CDH20: variants seen among roughly 807,000 people sequenced by gnomAD.
The protein encoded by CDH20 is cadherin-20.
In CDH20, 29 loss-of-function variants were observed where a neutral mutation model predicts 74.2. That is an observed-to-expected ratio of 0.39 (90% CI 0.29 to 0.53). CDH20 has a LOEUF of 0.53. CDH20 is among the 20% of genes least tolerant of loss of function. CDH20 has a pLI of 0.69. For missense variants in CDH20, 988 were observed against 1,048.3 expected (o/e 0.94, Z 0.79); for synonymous variants, 469 against 405.4 (o/e 1.16, Z -1.88).
At chr18:61,483,031 C>T (rs544642034) in intron 1 of CDH20, among the ~76,000 whole-genome samples, 111 of 152,274 alleles carry the variant, frequency 7.3e-4, no homozygotes, top group Non-Finnish European at 1.1e-3. Flanking sequence ...ATGGTATCTG[C>T]GTTTTCTTTA....
chr18:61,469,869 A>G (rs1046826498), intron 1 of CDH20, among the ~76,000 whole-genome samples: 2 of 152,244 alleles, frequency 1.3e-5, no homozygotes, highest in Non-Finnish European at 2.9e-5. Context: ...GGATGTAGGT[A>G]CATGAACTAT....
chr18:61,525,964 A>ATTTTTTT (rs1006282537), intron 6 of CDH20, among the ~76,000 whole-genome samples: 5 of 84,380 alleles, frequency 5.9e-5, no homozygotes, highest in African/African-American at 1.1e-4. Flanking sequence ...CACCCAGCTA[A>ATTTTTTT]TTTTTTTTTT....
chr18:61,386,977 C>A (rs540894723), intron 1 of CDH20, among the ~76,000 whole-genome samples: 1 of 152,124 alleles, frequency 6.6e-6, no homozygotes, highest in South Asian at 2.1e-4. Context: ...ACAAAGTTTT[C>A]TACAAGGAAC....
chr18:61,529,954 C>A (rs1912581810), intron 7 of CDH20, among the ~76,000 whole-genome samples: 1 of 152,094 alleles, frequency 6.6e-6, no homozygotes, highest in African/African-American at 2.4e-5. Flanking sequence ...AGGATGAATG[C>A]AAGAGTGAAC....
intron 1 of CDH20, among the ~76,000 whole-genome samples, chr18:61,487,242 C>G (rs2144289898): frequency 6.6e-6 from 1 of 152,232 alleles, no homozygotes; most frequent in African/African-American, 2.4e-5. Flanking sequence ...GCAATTAGCC[C>G]ACCCCAAACA....
chr18:61,414,133 TA>T (rs1330034079), intron 1 of CDH20, among the ~76,000 whole-genome samples: 1 of 152,094 alleles, frequency 6.6e-6, no homozygotes, highest in East Asian at 1.9e-4. Flanking sequence ...TTTTAGAAAC[TA>T]AAAAATAATT....
intron 5 of CDH20, 30 bp from the exon 6 acceptor site, chr18:61,507,343 A>G: frequency 6.3e-7 from 1 of 1,598,658 alleles, no homozygotes. Context: ...ACGGATTATC[A>G]AGAATGCGTG....
intron 7 of CDH20, among the ~76,000 whole-genome samples, chr18:61,529,595 A>G (rs1912567432): frequency 6.6e-6 from 1 of 152,232 alleles, no homozygotes; most frequent in South Asian, 2.1e-4. Context: ...TTAGTCAACC[A>G]TATTATCCCC....
chr18:61,554,943 A>G lies in CDH20; in HGVS notation c.*248A>G. The G allele has an allele frequency of 6.6e-6, 9 of 1,356,054 alleles. No homozygotes were observed. The highest frequency in any genetic ancestry group is 8.5e-6 in the Non-Finnish European group (9 of 1,054,970). The allele number at this position is 1,356,054 out of a possible 1,614,324, so 84.0% of individuals were successfully genotyped here. The stretch of plus-strand genomic sequence containing the variant: ...TTCTTTTCTTTTTGATTTTTCTGAC[A>G]CTGTGTGCGAAGGCTTGGAGTCCAA... On this transcript the variant is annotated 3_prime_UTR_variant, in exon 12 of 12. Coordinates refer to ENST00000262717, the MANE Select transcript of CDH20 (RefSeq NM_031891.4).
chr18:61,436,083 G>A (rs866439485), intron 1 of CDH20, among the ~76,000 whole-genome samples: 66 of 152,142 alleles, frequency 4.3e-4, no homozygotes, highest in African/African-American at 7.7e-4. Context: ...CATCTGTGTC[G>A]TAGCACATTT....
chr18:61,451,448 T>C (rs759029421), intron 1 of CDH20, among the ~76,000 whole-genome samples: 12 of 152,136 alleles, frequency 7.9e-5, no homozygotes, highest in Non-Finnish European at 1.3e-4. Context: ...GGCAGTGGTG[T>C]ACTGCCCTGC....
intron 6 of CDH20, among the ~76,000 whole-genome samples, chr18:61,523,810 G>A (rs1171209487): frequency 6.6e-6 from 1 of 152,024 alleles, no homozygotes; most frequent in Non-Finnish European, 1.5e-5. Flanking sequence ...GCTAACACAT[G>A]GACAGAAAAC....
intron 2 of CDH20, among the ~76,000 whole-genome samples, chr18:61,494,937 C>T (rs2144305686): frequency 6.6e-6 from 1 of 152,254 alleles, no homozygotes; most frequent in South Asian, 2.1e-4. Flanking sequence ...GAACATCATT[C>T]TTGTTTTTGA....
chr18:61,552,321 T>C (rs1025830478), intron 11 of CDH20, among the ~76,000 whole-genome samples: 1 of 151,982 alleles, frequency 6.6e-6, no homozygotes, highest in African/African-American at 2.4e-5. Flanking sequence ...AATAAGACCA[T>C]TTTCCTCAAA....
At chr18:61,384,312 A>G (rs1911527459) in intron 1 of CDH20, among the ~76,000 whole-genome samples, 1 of 152,224 alleles carries the variant, frequency 6.6e-6, no homozygotes, top group Non-Finnish European at 1.5e-5. Context: ...TAAGAATTGT[A>G]TTGATAAATG....
chr18:61,544,359 G>A (rs1441399774), intron 9 of CDH20, among the ~76,000 whole-genome samples: 1 of 152,246 alleles, frequency 6.6e-6, no homozygotes, highest in Non-Finnish European at 1.5e-5. Flanking sequence ...GCTTGTATTA[G>A]CTCAATAGAC....
intron 1 of CDH20, among the ~76,000 whole-genome samples, chr18:61,484,846 C>T (rs1054600442): frequency 6.6e-5 from 10 of 151,862 alleles, no homozygotes; most frequent in Non-Finnish European, 1.0e-4. Context: ...CTACTGTTTA[C>T]CTTCCCCTTA....
At chr18:61,412,922 A>T (rs1912561203) in intron 1 of CDH20, among the ~76,000 whole-genome samples, 1 of 152,198 alleles carries the variant, frequency 6.6e-6, no homozygotes, top group Non-Finnish European at 1.5e-5. Flanking sequence ...AGAGGTTACA[A>T]GGTAGTTTAA....
At chr18:61,524,488 A>T (rs1423079842) in intron 6 of CDH20, among the ~76,000 whole-genome samples, 3 of 152,168 alleles carry the variant, frequency 2.0e-5, no homozygotes, top group Admixed American at 2.0e-4. Context: ...TCACACAAAA[A>T]CCTCTATGTA....
Sources: gnomAD v4.1 joint callset for allele counts (sites outside exome capture counted in the v4.1 genomes callset) on GRCh38, gnomAD v4.1.1 for gene constraint, MANE v1.5 for transcripts, NCBI Gene and HGNC (gene_info 2026-07-23, HGNC 2026-07-21) for gene names.